The following DNAH9 variants were observed in gnomAD, a reference collection of about 807,000 sequenced individuals.
DNAH9 encodes the protein DNAH9 variant protein.
A neutral mutation model predicts 471.6 loss-of-function variants in DNAH9; 345 were observed. The ratio of observed to expected loss-of-function variants is 0.73; its 90% CI spans 0.67 to 0.80. DNAH9 has a LOEUF of 0.80. DNAH9 is among the 30% of genes least tolerant of loss of function. DNAH9 has a pLI of 0.00. For synonymous variants in DNAH9, 2,093 were observed against 2,123.6 expected (o/e 0.99, Z 0.40); for missense variants, 5,407 against 5,609.2 (o/e 0.96, Z 1.15).
At chr17:11,749,845 C>A (rs566132274) in intron 32 of DNAH9, among the ~76,000 whole-genome samples, 1 of 152,130 alleles carries the variant, frequency 6.6e-6, no homozygotes, top group South Asian at 2.1e-4. Flanking sequence ...TTTATCTAAT[C>A]CTATACTAAT....
rs370864345 is a variant in DNAH9 at position 11,962,017 on chromosome 17, G to A, written c.12994G>A (p.Glu4332Lys). The change falls in exon 68 of 69, where the codon GAG becomes AAG. Residue 4332 changes from glutamate to lysine, a missense_variant. By Grantham distance (56) the Glu-to-Lys change is moderately conservative. Transcript: ENST00000262442. This position sits in a 1 kb window ranked among gnomAD's most constrained non-coding sequence, Gnocchi z 4.1. ...CCTCCTCAACAGAATCAAGGAGCTA[G>A]AGGCTTGGACGGGTGACTTTACAAT... The part of the protein sequence containing the change: ...PDLLNRIKEL[E>K]AWTGDFTMPS... The A allele has an allele frequency of 6.2e-7, 1 of 1,614,184 alleles. No individual in the cohort carries two copies. Among genetic ancestry groups the A allele is most frequent in the South Asian group, 1.1e-5 (1 of 91,078 alleles).
chr17:11,886,537 A>T (rs1353932841), intron 56 of DNAH9, among the ~76,000 whole-genome samples: 1 of 148,226 alleles, frequency 6.7e-6, no homozygotes, highest in Non-Finnish European at 1.5e-5. Context: ...ATTTCCATGA[A>T]ATCTTTCTCA....
Position 11,797,713 on chromosome 17 carries a change from T to G in DNAH9, c.8340T>G (p.Thr2780=), listed in dbSNP as rs779324273. 1 of 1,614,214 alleles carries G rather than the reference T, an allele frequency of 6.2e-7. No homozygotes were observed. Among genetic ancestry groups the G allele is most frequent in the Non-Finnish European group, 8.5e-7 (1 of 1,180,040 alleles). Residue 2780 remains threonine (T), a synonymous_variant, in exon 43 of 69, where the codon ACT becomes ACG. Transcript: ENST00000262442. ...PVQSWELLTQ[T]LVEALENHNE... is the part of the protein sequence containing the mutation. ...AGTCTTGGGAACTTTTGACCCAGAC[T>G]CTGGTGGAGGCCTTGGAGAACCACA...
intron 45 of DNAH9, among the ~76,000 whole-genome samples, chr17:11,816,069 C>G (rs1177180074): frequency 2.0e-5 from 3 of 152,090 alleles, no homozygotes; most frequent in Non-Finnish European, 4.4e-5. Flanking sequence ...TTAGGCGTTC[C>G]CTCTCTAGAA....
Position 11,780,903 on chromosome 17 carries a change from G to A in DNAH9, c.7553-106G>A, listed in dbSNP as rs182313223. 8 of 1,208,858 alleles carry A rather than the reference G, an allele frequency of 6.6e-6. No homozygotes were observed. In the East Asian group the frequency reaches 1.8e-4, roughly 27 times the overall value. The allele number at this position is 1,208,858 out of a possible 1,614,324, so 74.9% of individuals were successfully genotyped here. ...GTTGTCTTTCGCGTTGCTGTTTTTT[G>A]CACACATGAAGGCAGCACCATTGCT... is the stretch of plus-strand genomic sequence containing the variant. On this transcript the variant is annotated intron_variant, in intron 38 of 68. Coordinates refer to ENST00000262442, the MANE Select transcript of DNAH9 (RefSeq NM_001372.4).
At chr17:11,646,924 A>G in intron 11 of DNAH9, 148 bp from the exon 12 acceptor site, 1 of 642,868 alleles carries the variant, frequency 1.6e-6, no homozygotes, top group Middle Eastern at 4.5e-4. Flanking sequence ...AAAAAGAAAG[A>G]AAGAAATTTG....
chr17:11,796,829 C>A (rs1439372414), intron 42 of DNAH9, among the ~76,000 whole-genome samples: 1 of 152,212 alleles, frequency 6.6e-6, no homozygotes, highest in African/African-American at 2.4e-5. Context: ...TCTCCACTAA[C>A]ATGAAAGTTA....
At position 11,936,088 on chromosome 17, in the gene DNAH9, TAC is replaced by T. The variant is rs560787748; in HGVS notation, c.12490-1261_12490-1260del. Among the ~76,000 whole-genome samples the T allele has an allele frequency of 9.5e-4, 144 of 152,300 alleles. 1 individual carries two copies. The highest frequency in any genetic ancestry group is 3.2e-3 in the African/African-American group (132 of 41,552). On this transcript the variant is annotated intron_variant, in intron 65 of 68. Transcript: ENST00000262442. Reference sequence around the variant, plus strand: ...TTTGCACATTTCCAAATGACTGAGGTACACTCTCTTTCTTATACTTCTCTTTA... The same window carrying T: ...TTTGCACATTTCCAAATGACTGAGGTACTCTCTTTCTTATACTTCTCTTTA...
chr17:11,610,350 G>T, intron 2 of DNAH9, 46 bp from the exon 3 acceptor site: 1 of 1,553,384 alleles, frequency 6.4e-7, no homozygotes, highest in East Asian at 2.3e-5. Context: ...ACGCCTCAGG[G>T]TTTTTGTTTT....
chr17:11,614,266 A>G (rs535485641), intron 4 of DNAH9, among the ~76,000 whole-genome samples: 1 of 152,266 alleles, frequency 6.6e-6, no homozygotes, highest in African/African-American at 2.4e-5. Context: ...AGGCATGGTC[A>G]GGGTCGTTTA....
intron 34 of DNAH9, among the ~76,000 whole-genome samples, chr17:11,756,877 G>A (rs955192677): frequency 2.6e-5 from 4 of 152,196 alleles, no homozygotes; most frequent in South Asian, 2.1e-4. Flanking sequence ...GCACAGAAGT[G>A]TCTAACTTAG....
intron 31 of DNAH9, among the ~76,000 whole-genome samples, chr17:11,746,623 A>G (rs1368237640): frequency 3.3e-5 from 5 of 152,108 alleles, no homozygotes; most frequent in Admixed American, 2.0e-4. Flanking sequence ...CCCTCGACAC[A>G]TGGGGATTCG....
chr17:11,907,340 C>T (rs1307285012), intron 61 of DNAH9, among the ~76,000 whole-genome samples: 1 of 151,968 alleles, frequency 6.6e-6, no homozygotes. Flanking sequence ...CATGGTGGTG[C>T]ATGCCTGTAA....
chr17:11,601,427 A>G (rs2072385788), intron 1 of DNAH9, among the ~76,000 whole-genome samples: 1 of 152,198 alleles, frequency 6.6e-6, no homozygotes, highest in South Asian at 2.1e-4. Context: ...AGAAGGAGAA[A>G]CAGTAACTGA....
intron 55 of DNAH9, among the ~76,000 whole-genome samples, chr17:11,882,219 C>T (rs543623812): frequency 6.6e-6 from 1 of 152,290 alleles, no homozygotes; most frequent in South Asian, 2.1e-4. Context: ...TTGGAGGCAG[C>T]GGCCTTCTCA....
At chr17:11,956,434 T>A (rs1260385986) in intron 67 of DNAH9, among the ~76,000 whole-genome samples, 1 of 152,106 alleles carries the variant, frequency 6.6e-6, no homozygotes, top group African/African-American at 2.4e-5. Flanking sequence ...GTAGAACAAG[T>A]AGACAGAAAA....
chr17:11,946,746 A>AG (rs1399722847), intron 67 of DNAH9, among the ~76,000 whole-genome samples: 1 of 151,792 alleles, frequency 6.6e-6, no homozygotes, highest in Non-Finnish European at 1.5e-5. Context: ...AAATTGAAAA[A>AG]GAAAAAAAAA....
intron 58 of DNAH9, 34 bp downstream of exon 58, chr17:11,891,981 G>A (rs1471262378): frequency 6.2e-7 from 1 of 1,606,876 alleles, no homozygotes; most frequent in African/African-American, 1.3e-5. Context: ...CCAGAAAACA[G>A]GTTATTTTTA....
intron 48 of DNAH9, among the ~76,000 whole-genome samples, chr17:11,829,988 C>G (rs1366465530): frequency 1.3e-5 from 2 of 152,150 alleles, no homozygotes; most frequent in East Asian, 3.9e-4. Flanking sequence ...TTAAAACTCT[C>G]CCACAGGCCT....
Sources: allele counts gnomAD v4.1 joint callset (sites outside exome capture counted in the v4.1 genomes callset), GRCh38; gene constraint gnomAD v4.1.1; non-coding constraint Gnocchi (gnomAD v3.1); transcripts MANE v1.5; gene names NCBI Gene and HGNC (gene_info 2026-07-23, HGNC 2026-07-21).